RBFOX1: variants seen among roughly 807,000 people sequenced by gnomAD.
The protein encoded by RBFOX1 is RNA binding fox-1 homolog 1.
In RBFOX1, 8 loss-of-function variants were observed where a neutral mutation model predicts 57.7. The ratio of observed to expected loss-of-function variants is 0.14; its 90% CI spans 0.08 to 0.25. The LOEUF (loss-of-function observed/expected upper bound fraction) is 0.25, where lower values mean the gene tolerates loss of function less well. RBFOX1 is among the 10% of genes least tolerant of loss of function. The probability of loss-of-function intolerance (pLI) is 1.00; values close to 1 mark genes in which losing one functional copy is unlikely to be tolerated. For synonymous variants in RBFOX1, 326 were observed against 222.4 expected, an observed-to-expected ratio of 1.47 and a Z score of -4.15; for missense variants, 611 against 548.5, an observed-to-expected ratio of 1.11 and a Z score of -1.14.
intron 4 of RBFOX1, among the ~76,000 whole-genome samples, chr16:7,133,033 T>C (rs1567390044): frequency 6.6e-6 from 1 of 152,056 alleles, no homozygotes; most frequent in Non-Finnish European, 1.5e-5. Context: ...AGAAAATAAA[T>C]CATGTGCCTT....
At chr16:6,888,911 C>T (rs925737196) in intron 3 of RBFOX1, among the ~76,000 whole-genome samples, 1 of 152,162 alleles carries the variant, frequency 6.6e-6, no homozygotes, top group Non-Finnish European at 1.5e-5. Flanking sequence ...TGAATTCATT[C>T]TCCTGCCAAG....
At chr16:5,546,482 A>G (rs950178618) in intron 2 of RBFOX1, among the ~76,000 whole-genome samples, 1 of 152,224 alleles carries the variant, frequency 6.6e-6, no homozygotes, top group African/African-American at 2.4e-5. Context: ...ACTTGGGTCG[A>G]TGTAACAGTA....
intron 1 of RBFOX1, among the ~76,000 whole-genome samples, chr16:6,261,180 G>A (rs1489698647): frequency 2.0e-5 from 3 of 152,198 alleles, no homozygotes; most frequent in African/African-American, 4.8e-5. Context: ...ACTGCAAGGA[G>A]TTTGGCTTTC....
chr16:6,300,168 G>A (rs1192576197), intron 1 of RBFOX1, among the ~76,000 whole-genome samples: 4 of 152,160 alleles, frequency 2.6e-5, no homozygotes, highest in Admixed American at 2.0e-4. Flanking sequence ...AGAGTAGAAT[G>A]GTGTTTACCA....
chr16:7,225,244 C>G (rs570961365), intron 4 of RBFOX1, among the ~76,000 whole-genome samples: 20 of 152,130 alleles, frequency 1.3e-4, no homozygotes, highest in African/African-American at 4.8e-4. Context: ...GTGTCCCCAC[C>G]CAAATCTCAT....
At chr16:7,581,394 T>C (rs1026957110) in intron 6 of RBFOX1, among the ~76,000 whole-genome samples, 4 of 152,154 alleles carry the variant, frequency 2.6e-5, no homozygotes, top group African/African-American at 9.7e-5. Flanking sequence ...AGAGGAGTTA[T>C]ATTCTCTTTG....
rs59209683 is a variant in RBFOX1, at chr16:6,945,745, G to C, written c.-15-106312G>C. Among the ~76,000 whole-genome samples the C allele has an allele frequency of 6.6e-5, 10 of 152,216 alleles. No homozygotes were observed. In the East Asian group the frequency reaches 9.7e-4, roughly 15 times the overall value. ...GTCTCTACTAAAAATATACAAATTA[G>C]CTGAGGGTGGTGGCAGGCACCTGTA... On this transcript the variant is annotated intron_variant, in intron 3 of 15. Coordinates refer to ENST00000550418, the MANE Select transcript of RBFOX1 (RefSeq NM_018723.4).
chr16:7,197,822 G>T (rs1343047327), intron 4 of RBFOX1, among the ~76,000 whole-genome samples: 2 of 152,084 alleles, frequency 1.3e-5, no homozygotes, highest in South Asian at 2.1e-4. Flanking sequence ...AGACACAAAA[G>T]GTCACATGTT....
chr16:5,306,322 T>TC, intron 1 of RBFOX1, among the ~76,000 whole-genome samples: 1 of 90,266 alleles, frequency 1.1e-5, no homozygotes, highest in East Asian at 3.6e-4. Context: ...CTTCTAGAAT[T>TC]CTTTTTTTTT....
chr16:7,052,390 G>A (rs1051975123), intron 4 of RBFOX1, among the ~76,000 whole-genome samples: 1 of 152,114 alleles, frequency 6.6e-6, no homozygotes, highest in Admixed American at 6.6e-5. Context: ...TGTACAACAC[G>A]AGGTCTAAGT....
chr16:5,411,704 A>G lies in RBFOX1; in HGVS notation c.220-55512A>G, dbSNP rs373708254. 1.5e-3 allele frequency among the ~76,000 whole-genome samples: 221 copies of G among 151,780 alleles called. 1 individual carries two copies. Among genetic ancestry groups the G allele is most frequent in the African/African-American group, 4.9e-3 (201 of 41,334 alleles). ...TGCTTGAGCCCAGGAGTTTGAGACC[A>G]GCCTGGGCAACATGGAAAGACCCCA... On this transcript the variant is annotated intron_variant, in intron 1 of 2. Coordinates refer to the RBFOX1 transcript ENST00000585867.
chr16:7,669,248 G>T (rs1016106721), intron 13 of RBFOX1, among the ~76,000 whole-genome samples: 1 of 151,956 alleles, frequency 6.6e-6, no homozygotes, highest in East Asian at 1.9e-4. Flanking sequence ...ACCAAGGAGT[G>T]GAAAACAAGC....
At chr16:5,908,321 C>G in intron 4 of RBFOX1, among the ~76,000 whole-genome samples, 1 of 144,020 alleles carries the variant, frequency 6.9e-6, no homozygotes. Flanking sequence ...TATACACACA[C>G]ACATATATAT....
chr16:6,550,087 C>T (rs1225823501), intron 2 of RBFOX1, among the ~76,000 whole-genome samples: 1 of 152,148 alleles, frequency 6.6e-6, no homozygotes, highest in East Asian at 1.9e-4. Context: ...TTCACTTGTG[C>T]CTCCAGCTGA....
At chr16:6,310,086 C>T (rs1379270085) in intron 1 of RBFOX1, among the ~76,000 whole-genome samples, 1 of 152,132 alleles carries the variant, frequency 6.6e-6, no homozygotes, top group Admixed American at 6.6e-5. Context: ...TGGGGTTTCA[C>T]CATATTGGTC....
At chr16:6,424,765 C>A (rs1232751991) in intron 2 of RBFOX1, among the ~76,000 whole-genome samples, 1 of 152,110 alleles carries the variant, frequency 6.6e-6, no homozygotes, top group Non-Finnish European at 1.5e-5. Context: ...AATAATTCCT[C>A]TTCTAAGATG....
intron 10 of RBFOX1, chr16:7,614,807 A>C (rs1271215030): frequency 6.6e-6 from 1 of 152,190 alleles, no homozygotes; most frequent in Non-Finnish European, 1.5e-5. Flanking sequence ...TCCTTATGAA[A>C]ATGCTATCCC....
At chr16:6,695,373 G>A (rs527466134) in intron 3 of RBFOX1, among the ~76,000 whole-genome samples, 169 of 131,770 alleles carry the variant, frequency 1.3e-3, no homozygotes, top group Middle Eastern at 5.3e-3. Context: ...CTGAGATTGC[G>A]CCGCTTCACT....
At chr16:5,987,803 C>T (rs1156398975) in intron 4 of RBFOX1, among the ~76,000 whole-genome samples, 1 of 152,156 alleles carries the variant, frequency 6.6e-6, no homozygotes, top group Non-Finnish European at 1.5e-5. Flanking sequence ...GCACCATTTA[C>T]TGAAAACTAT....
Sources: allele counts gnomAD v4.1 joint callset (sites outside exome capture counted in the v4.1 genomes callset), GRCh38; gene constraint gnomAD v4.1.1; transcripts MANE v1.5; gene names NCBI Gene and HGNC (gene_info 2026-07-23, HGNC 2026-07-21).